The following ADAMTS16 variants were observed in gnomAD, a reference collection of about 807,000 sequenced individuals.
ADAMTS16 encodes ADAM metallopeptidase with thrombospondin type 1 motif 16, also known as A disintegrin and metalloproteinase with thrombospondin motifs 16.
ADAMTS16 carries 94 observed loss-of-function variants against 145.8 expected under a neutral mutation model. The ratio of observed to expected loss-of-function variants is 0.64; its 90% confidence interval spans 0.55 to 0.77. The LOEUF (loss-of-function observed/expected upper bound fraction) is 0.77. Among genes scored for constraint, ADAMTS16 ranks in the 30% least tolerant of loss-of-function variants. ADAMTS16 has a pLI of 0.00. For synonymous variants in ADAMTS16, 659 were observed against 604.3 expected, an observed-to-expected ratio of 1.09 and a Z score of -1.33; for missense variants, 1,585 against 1,591.5, an observed-to-expected ratio of 1.00 and a Z score of 0.07.
At chr5:5,293,943 C>G (rs377737490) in intron 18 of ADAMTS16, among the ~76,000 whole-genome samples, 3 of 152,316 alleles carry the variant, frequency 2.0e-5, no homozygotes, top group East Asian at 1.9e-4. Flanking sequence ...CTCTGGCACA[C>G]TGGGGCTTGT....
chr5:5,141,891 T>TA (rs11362322), intron 2 of ADAMTS16, among the ~76,000 whole-genome samples: 3 of 151,748 alleles, frequency 2.0e-5, no homozygotes, highest in Admixed American at 6.6e-5. Flanking sequence ...TATAAAATGT[T>TA]AAAAAAAATT....
intron 20 of ADAMTS16, among the ~76,000 whole-genome samples, chr5:5,305,561 C>G (rs757794621): frequency 1.0e-4 from 6 of 60,194 alleles, no homozygotes; most frequent in African/African-American, 3.2e-4. Context: ...CACACACACA[C>G]GTCAGAGCTT....
intron 9 of ADAMTS16, among the ~76,000 whole-genome samples, chr5:5,206,662 A>G (rs1736130822): frequency 6.6e-6 from 1 of 151,566 alleles, no homozygotes; most frequent in Non-Finnish European, 1.5e-5. Context: ...TTGTATTTTT[A>G]GTAGAGACAG....
At chr5:5,209,821 A>T (rs912692563) in intron 10 of ADAMTS16, among the ~76,000 whole-genome samples, 1 of 152,188 alleles carries the variant, frequency 6.6e-6, no homozygotes, top group African/African-American at 2.4e-5. Flanking sequence ...AGATTTAGGA[A>T]CCTGCTCTAT....
rs114213194 is a variant in ADAMTS16 at position 5,169,033 on chromosome 5, G to A, written c.502-13011G>A. Among the ~76,000 whole-genome samples the A allele has an allele frequency of 2.9e-3, 446 of 151,806 alleles. 1 individual carries two copies. The highest frequency in any genetic ancestry group is 9.8e-3 in the African/African-American group (405 of 41,350). On this transcript the variant is annotated intron_variant, in intron 3 of 22. Transcript: ENST00000274181. ...CATAGCATGGGTATCCTATGGCATG[G>A]GGGCTAGATGTTTTGGGATTTGATT...
intron 18 of ADAMTS16, among the ~76,000 whole-genome samples, chr5:5,264,627 G>A (rs1177405462): frequency 5.3e-5 from 8 of 152,068 alleles, no homozygotes; most frequent in African/African-American, 1.9e-4. Context: ...GACCCCTCTT[G>A]CAATCACAGT....
intron 21 of ADAMTS16, 145 bp downstream of exon 21, chr5:5,306,873 C>A (rs895922999): frequency 2.4e-6 from 2 of 847,762 alleles, no homozygotes; most frequent in African/African-American, 1.7e-5. Context: ...AGAGCATGTG[C>A]GGGTGGCCTG....
intron 18 of ADAMTS16, among the ~76,000 whole-genome samples, chr5:5,268,499 G>A (rs1215609798): frequency 3.9e-5 from 6 of 152,104 alleles, no homozygotes; most frequent in East Asian, 3.9e-4. Flanking sequence ...TCCTTCCAAC[G>A]CACCTACCTC....
In ADAMTS16 at chr5:5,319,023, A is replaced by G; in HGVS notation, c.3560A>G (p.Asp1187Gly). Residue 1187 changes from aspartate (D) to glycine (G), a missense_variant and splice_region_variant, in exon 23 of 23, where the codon GAT (aspartate) becomes GGT (glycine). Physicochemically the swap from Asp to Gly is moderately conservative, Grantham distance 94. Around this residue, in one of 3 missense-constraint regions of ADAMTS16, gnomAD observed 834 missense variants for 811.7 expected, o/e 1.03. Coordinates refer to ENST00000274181, the MANE Select transcript of ADAMTS16 (RefSeq NM_139056.4). ...GTAATGCAGCTCTGCTCATTTTCAG[A>G]TGCCTTCTGCAAAGACTACTTCCAC... ...THFCPIAEKK[D>G]AFCKDYFHWC... The G allele has an allele frequency of 6.2e-7, 1 of 1,609,032 alleles. No homozygotes were observed. Among genetic ancestry groups the G allele is most frequent in the South Asian group, 1.1e-5 (1 of 90,068 alleles).
rs1735735154 is a variant in ADAMTS16, at chr5:5,194,100, T to C, written c.1313+2310T>C. 2.0e-5 allele frequency among the ~76,000 whole-genome samples: 3 copies of C among 147,926 alleles called. No homozygotes were observed. In the Admixed American group the frequency reaches 2.0e-4, roughly 10 times the overall value. ...CTGGGTGGCAGAATGAGACCCTGTA[T>C]AAAAAAAAAATAAAAATAAGCCCTG... On this transcript the variant is annotated intron_variant, in intron 8 of 22. Transcript: ENST00000274181.
At chr5:5,251,472 T>G (rs1057128970) in intron 17 of ADAMTS16, among the ~76,000 whole-genome samples, 1 of 152,198 alleles carries the variant, frequency 6.6e-6, no homozygotes, top group African/African-American at 2.4e-5. Context: ...AAATTACAAA[T>G]ATTGGCTTCA....
chr5:5,151,110 C>T (rs1734440590), intron 3 of ADAMTS16, among the ~76,000 whole-genome samples: 1 of 152,116 alleles, frequency 6.6e-6, no homozygotes, highest in Non-Finnish European at 1.5e-5. Context: ...ATTGTGTGTA[C>T]TGTACTTTTC....
At chr5:5,257,700 T>C (rs1331278041) in intron 17 of ADAMTS16, among the ~76,000 whole-genome samples, 2 of 152,176 alleles carry the variant, frequency 1.3e-5, no homozygotes, top group Non-Finnish European at 1.5e-5. Flanking sequence ...AACAACCAGT[T>C]CTCCAATTCT....
chr5:5,149,411 G>T (rs1734391497), intron 3 of ADAMTS16, among the ~76,000 whole-genome samples: 1 of 152,116 alleles, frequency 6.6e-6, no homozygotes, highest in African/African-American at 2.4e-5. Flanking sequence ...AGACAATGAT[G>T]ACCATGGCAA....
intron 2 of ADAMTS16, among the ~76,000 whole-genome samples, chr5:5,144,650 A>G (rs761326216): frequency 2.6e-5 from 4 of 152,150 alleles, no homozygotes; most frequent in Non-Finnish European, 4.4e-5. Context: ...TTAGGAGGGT[A>G]GTGTCATTTT....
At chr5:5,311,043 C>T (rs1401134037) in intron 21 of ADAMTS16, among the ~76,000 whole-genome samples, 1 of 152,132 alleles carries the variant, frequency 6.6e-6, no homozygotes, top group African/African-American at 2.4e-5. Context: ...CCTCCCGTGT[C>T]AAGCTAGAGA....
chr5:5,213,806 T>A (rs1057377432), intron 10 of ADAMTS16, among the ~76,000 whole-genome samples: 4 of 152,176 alleles, frequency 2.6e-5, no homozygotes, highest in Non-Finnish European at 5.9e-5. Context: ...GAAGCCCTCA[T>A]CAGCTTTCAG....
At chr5:5,144,232 T>A (rs1039555100) in intron 2 of ADAMTS16, among the ~76,000 whole-genome samples, 1 of 152,240 alleles carries the variant, frequency 6.6e-6, no homozygotes, top group Non-Finnish European at 1.5e-5. Context: ...CTGCCTTTAC[T>A]ATTTGCCTTC....
intron 11 of ADAMTS16, among the ~76,000 whole-genome samples, chr5:5,226,746 A>C (rs570134833): frequency 6.6e-6 from 1 of 152,212 alleles, no homozygotes; most frequent in Non-Finnish European, 1.5e-5. Flanking sequence ...TAAGGTGGTA[A>C]CATAGACTGA....
Sources: gnomAD v4.1 joint callset for allele counts (sites outside exome capture counted in the v4.1 genomes callset) on GRCh38, gnomAD v4.1.1 for gene constraint, gnomAD v4.1.1 regional missense constraint, MANE v1.5 for transcripts, NCBI Gene and HGNC (gene_info 2026-07-23, HGNC 2026-07-21) for gene names.